SPAG16: variants seen among roughly 807,000 people sequenced by gnomAD.
The protein encoded by SPAG16 is sperm associated antigen 16.
Under a neutral mutation model 80.4 loss-of-function variants are expected in SPAG16, and 86 were observed. The ratio of observed to expected loss-of-function variants is 1.07; its 90% CI spans 0.90 to 1.28. The LOEUF (loss-of-function observed/expected upper bound fraction) is 1.28, where lower values mean the gene tolerates loss of function less well. SPAG16 is among the 50% of genes most tolerant of loss of function. The pLI is 0.00. For synonymous variants in SPAG16, 294 were observed against 265.9 expected (o/e 1.11, Z -1.03); for missense variants, 870 against 765.3 (o/e 1.14, Z -1.61).
At chr2:214,401,574 AATC>A (rs1701711939) in intron 15 of SPAG16, among the ~76,000 whole-genome samples, 1 of 151,958 alleles carries the variant, frequency 6.6e-6, no homozygotes, top group South Asian at 2.1e-4. Context: ...AAGAATGAAT[AATC>A]ATGAGAAATT....
chr2:214,069,732 A>G (rs1470359446), intron 13 of SPAG16, among the ~76,000 whole-genome samples: 1 of 152,002 alleles, frequency 6.6e-6, no homozygotes, highest in African/African-American at 2.4e-5. Context: ...AGCCCTCAGT[A>G]TTTTAGAAAC....
At chr2:213,988,361 G>C (rs1026287745) in intron 12 of SPAG16, among the ~76,000 whole-genome samples, 23 of 151,986 alleles carry the variant, frequency 1.5e-4, no homozygotes, top group African/African-American at 4.8e-4. Flanking sequence ...CATAAAACAA[G>C]ATCAATAAAA....
At chr2:213,575,924 G>C (rs1384835365) in intron 10 of SPAG16, among the ~76,000 whole-genome samples, 1 of 152,012 alleles carries the variant, frequency 6.6e-6, no homozygotes, top group African/African-American at 2.4e-5. Flanking sequence ...TGATTCCTAT[G>C]TTTTTCATAC....
At position 213,820,611 on chromosome 2, in the gene SPAG16, G is replaced by T. The variant is rs555984700; in HGVS notation, c.1071-41874G>T. 2.3e-3 allele frequency among the ~76,000 whole-genome samples: 355 copies of T among 152,096 alleles called. 1 individual carries two copies. Among genetic ancestry groups the T allele is most frequent in the Non-Finnish European group, 4.2e-3 (287 of 67,952 alleles). ...ATATTATTTAAATTATTTTATGTCT[G>T]CATTTGTTTTTGTCTACTTAATCTG... On this transcript the variant is annotated intron_variant, in intron 10 of 15. Coordinates refer to ENST00000331683, the MANE Select transcript of SPAG16 (RefSeq NM_024532.5).
intron 9 of SPAG16, among the ~76,000 whole-genome samples, chr2:213,418,214 A>G (rs1245601497): frequency 6.6e-6 from 1 of 152,238 alleles, no homozygotes; most frequent in Non-Finnish European, 1.5e-5. Context: ...ATATATGCAT[A>G]CATGGTATTT....
chr2:213,839,338 A>C (rs552413847), intron 10 of SPAG16, among the ~76,000 whole-genome samples: 1 of 152,190 alleles, frequency 6.6e-6, no homozygotes, highest in Non-Finnish European at 1.5e-5. Context: ...ATTTTAATGA[A>C]GTTATTAAAA....
chr2:214,211,010 G>A (rs2058279646), intron 15 of SPAG16, among the ~76,000 whole-genome samples: 1 of 152,122 alleles, frequency 6.6e-6, no homozygotes, highest in South Asian at 2.1e-4. Flanking sequence ...TGAACGTTAT[G>A]CACCATGTCA....
chr2:213,582,095 A>G (rs549883258), intron 10 of SPAG16, among the ~76,000 whole-genome samples: 4 of 152,220 alleles, frequency 2.6e-5, no homozygotes, highest in African/African-American at 9.6e-5. Flanking sequence ...TTATATTATT[A>G]TATTTAATTT....
At chr2:214,139,581 A>G (rs1294254793) in intron 14 of SPAG16, among the ~76,000 whole-genome samples, 2 of 152,126 alleles carry the variant, frequency 1.3e-5, no homozygotes, top group East Asian at 3.8e-4. Context: ...GCTTTAAAAA[A>G]TGCATCTGAA....
rs148656495 is a variant in SPAG16, at chr2:213,321,470, T to C, written c.536+4114T>C. Among the ~76,000 whole-genome samples, 35 of 152,224 alleles carry C rather than the reference T, an allele frequency of 2.3e-4. 1 individual carries two copies. In the East Asian group the frequency reaches 6.2e-3, roughly 27 times the overall value. On this transcript the variant is annotated intron_variant, in intron 5 of 15. Coordinates refer to ENST00000331683, the MANE Select transcript of SPAG16 (RefSeq NM_024532.5). ...AAGCTATGTTAAAGAGCTTTGTAAATCACAGAGTGCTTTGAAATGTCAGCT... is the reference window on the plus strand; with the variant it reads ...AAGCTATGTTAAAGAGCTTTGTAAACCACAGAGTGCTTTGAAATGTCAGCT...
intron 10 of SPAG16, among the ~76,000 whole-genome samples, chr2:213,768,810 A>T (rs1338449529): frequency 2.6e-5 from 4 of 152,220 alleles, no homozygotes; most frequent in African/African-American, 2.4e-5. Flanking sequence ...ATGTCAATAG[A>T]TGTGGCCATG....
At chr2:214,160,816 C>T (rs1014266544) in intron 15 of SPAG16, among the ~76,000 whole-genome samples, 1 of 151,998 alleles carries the variant, frequency 6.6e-6, no homozygotes, top group Non-Finnish European at 1.5e-5. Context: ...TTAATCAATT[C>T]TGTCTACTTG....
At chr2:213,915,076 C>G (rs968267238) in intron 11 of SPAG16, among the ~76,000 whole-genome samples, 1 of 151,672 alleles carries the variant, frequency 6.6e-6, no homozygotes, top group Non-Finnish European at 1.5e-5. Context: ...ATCAAAGTCA[C>G]GTCTTACATG....
At chr2:213,460,410 C>A (rs1046292946) in intron 9 of SPAG16, among the ~76,000 whole-genome samples, 8 of 152,192 alleles carry the variant, frequency 5.3e-5, no homozygotes, top group Non-Finnish European at 7.4e-5. Context: ...AGGGCCTCTA[C>A]CCCTTTCTAG....
At chr2:213,811,854 G>A (rs1171400638) in intron 10 of SPAG16, among the ~76,000 whole-genome samples, 1 of 152,140 alleles carries the variant, frequency 6.6e-6, no homozygotes, top group Middle Eastern at 3.2e-3. Context: ...GGCAAGCAGT[G>A]AGGGGTCAAT....
chr2:213,874,998 A>C (rs1304111394), intron 11 of SPAG16, among the ~76,000 whole-genome samples: 1 of 152,138 alleles, frequency 6.6e-6, no homozygotes, highest in African/African-American at 2.4e-5. Flanking sequence ...GTTGGAGTGC[A>C]GTGGTGCATC....
chr2:214,339,674 A>C (rs1472464878), intron 15 of SPAG16, among the ~76,000 whole-genome samples: 5 of 152,238 alleles, frequency 3.3e-5, no homozygotes, highest in Admixed American at 6.5e-5. Context: ...CCTGCAAAAT[A>C]AACTTCTCAA....
intron 10 of SPAG16, among the ~76,000 whole-genome samples, chr2:213,732,283 C>T (rs2067083586): frequency 6.6e-6 from 1 of 151,952 alleles, no homozygotes; most frequent in Non-Finnish European, 1.5e-5. Context: ...TGTGTCTGTT[C>T]ATCCATCTTG....
chr2:214,074,020 T>C (rs532897362), intron 13 of SPAG16, among the ~76,000 whole-genome samples: 22 of 152,200 alleles, frequency 1.4e-4, no homozygotes, highest in Non-Finnish European at 2.6e-4. Flanking sequence ...GTGAGGCTAT[T>C]GGGAGGTAAT....
Sources: allele counts gnomAD v4.1 joint callset (sites outside exome capture counted in the v4.1 genomes callset), GRCh38; gene constraint gnomAD v4.1.1; transcripts MANE v1.5; gene names NCBI Gene and HGNC (gene_info 2026-07-23, HGNC 2026-07-21).